The following LPP variants were observed in gnomAD, a reference collection of about 807,000 sequenced individuals.
The protein encoded by LPP is lipoma-preferred partner.
Under a neutral mutation model 60.4 loss-of-function variants are expected in LPP, and 38 were observed. The ratio of observed to expected loss-of-function variants is 0.63; its 90% CI spans 0.49 to 0.83. The LOEUF (loss-of-function observed/expected upper bound fraction) is 0.83, where lower values mean the gene tolerates loss of function less well. Among genes scored for constraint, LPP ranks in the 40% least tolerant of loss-of-function variants. LPP has a pLI of 0.00. For missense variants in LPP, 902 were observed against 783.6 expected (o/e 1.15, Z -1.80); for synonymous variants, 328 against 290.8 (o/e 1.13, Z -1.30).
intron 2 of LPP, among the ~76,000 whole-genome samples, chr3:188,333,657 G>A (rs933968893): frequency 5.9e-5 from 9 of 151,988 alleles, no homozygotes; most frequent in African/African-American, 2.2e-4. Context: ...ACCCTGAAGT[G>A]CCTGCTTGCA....
At chr3:188,793,456 A>G (rs181849912) in intron 9 of LPP, among the ~76,000 whole-genome samples, 9 of 152,230 alleles carry the variant, frequency 5.9e-5, no homozygotes, top group Admixed American at 5.9e-4. Context: ...TGCTGGGATT[A>G]CAAGCATGAG....
intron 9 of LPP, among the ~76,000 whole-genome samples, chr3:188,841,607 G>A (rs1760042184): frequency 1.3e-5 from 2 of 152,032 alleles, no homozygotes; most frequent in African/African-American, 4.8e-5. Context: ...GGCCAGGATG[G>A]TCTCTATCTC....
intron 1 of LPP, among the ~76,000 whole-genome samples, chr3:188,189,762 C>G (rs1177871948): frequency 6.6e-6 from 1 of 152,112 alleles, no homozygotes; most frequent in Non-Finnish European, 1.5e-5. Context: ...ATGTGGTTGG[C>G]TCCAACTGTG....
intron 6 of LPP, among the ~76,000 whole-genome samples, chr3:188,566,056 T>G (rs1832065992): frequency 6.6e-6 from 1 of 152,018 alleles, no homozygotes. Context: ...AATAGGAATT[T>G]TCATATGATA....
chr3:188,336,589 G>A (rs1466227661), intron 2 of LPP, among the ~76,000 whole-genome samples: 1 of 152,168 alleles, frequency 6.6e-6, no homozygotes, highest in Non-Finnish European at 1.5e-5. Context: ...AAGACCACAT[G>A]CGGTAGCAGT....
At chr3:188,810,716 T>G (rs1466765503) in intron 9 of LPP, among the ~76,000 whole-genome samples, 3 of 152,082 alleles carry the variant, frequency 2.0e-5, no homozygotes, top group African/African-American at 7.2e-5. Flanking sequence ...GACACTACGG[T>G]AGTTGGTTGT....
At chr3:188,538,913 G>A (rs976366418) in intron 6 of LPP, among the ~76,000 whole-genome samples, 3 of 152,090 alleles carry the variant, frequency 2.0e-5, no homozygotes, top group Admixed American at 6.5e-5. Context: ...TATGCTATAC[G>A]AAAGAAACCA....
At chr3:188,552,751 G>A (rs1053362186) in intron 6 of LPP, among the ~76,000 whole-genome samples, 5 of 152,132 alleles carry the variant, frequency 3.3e-5, no homozygotes, top group Admixed American at 6.5e-5. Flanking sequence ...TTGCTTTTAA[G>A]AACTCATGTG....
At chr3:188,480,041 T>A (rs931042731) in intron 4 of LPP, among the ~76,000 whole-genome samples, 6 of 152,166 alleles carry the variant, frequency 3.9e-5, no homozygotes, top group Admixed American at 1.3e-4. Context: ...AGTGTTAGGG[T>A]AACCACAGTG....
chr3:188,240,553 T>A (rs373917408), intron 2 of LPP, among the ~76,000 whole-genome samples: 1 of 152,310 alleles, frequency 6.6e-6, no homozygotes, highest in African/African-American at 2.4e-5. Context: ...CTAGAGTAGT[T>A]GAGAGCTTTA....
Position 188,874,653 on chromosome 3 carries a change from C to T in LPP, c.*174C>T, listed in dbSNP as rs1769035475. 1.5e-6 allele frequency: 1 copy of T among 678,024 alleles called. No homozygotes were observed. Among genetic ancestry groups the T allele is most frequent in the Non-Finnish European group, 2.4e-6 (1 of 423,672 alleles). The allele number at this position is 678,024 out of a possible 1,614,324, so 42.0% of individuals were successfully genotyped here. ...TTTTTAAAAGTTGTTACCAAATACA[C>T]ATTTCACATTGAATCATGTAGGATC... On this transcript the variant is annotated 3_prime_UTR_variant, in exon 12 of 12. Coordinates refer to ENST00000617246, the MANE Select transcript of LPP (RefSeq NM_001375462.1).
Position 188,498,524 on chromosome 3 carries a change from T to C in LPP, c.306+13820T>C, listed in dbSNP as rs528509033. On this transcript the variant is annotated intron_variant, in intron 5 of 11. Transcript: ENST00000617246. ...ATCCATGTTGTAGCATATGTCATGC[T>C]ATATATATGTCATGTTCTGCTTATC... is the stretch of plus-strand genomic sequence containing the variant. Among the ~76,000 whole-genome samples the C allele has an allele frequency of 2.6e-5, 4 of 152,332 alleles. No individual in the cohort carries two copies. The South Asian group carries it at 8.3e-4, about 32-fold the overall frequency.
At chr3:188,181,059 C>T (rs344950) in intron 1 of LPP, among the ~76,000 whole-genome samples, 85,328 of 151,726 alleles carry the variant, frequency 0.56, 24,870 homozygotes, top group East Asian at 0.88. Context: ...TGAAAAAGCA[C>T]AAAGAAGAAA....
intron 6 of LPP, among the ~76,000 whole-genome samples, chr3:188,568,866 G>T (rs888137274): frequency 2.0e-5 from 3 of 151,898 alleles, no homozygotes; most frequent in Non-Finnish European, 4.4e-5. Context: ...GACTGTGTGG[G>T]CAGACAGTGG....
intron 7 of LPP, among the ~76,000 whole-genome samples, chr3:188,616,419 G>A (rs960730866): frequency 7.2e-5 from 11 of 152,036 alleles, no homozygotes; most frequent in Admixed American, 3.9e-4. Flanking sequence ...AATTTCTGAG[G>A]TCTCTGTTCT....
intron 5 of LPP, among the ~76,000 whole-genome samples, chr3:188,512,586 A>AATAT (rs1560502278): frequency 6.6e-6 from 1 of 151,442 alleles, no homozygotes; most frequent in Non-Finnish European, 1.5e-5. Context: ...TAAATAAATA[A>AATAT]ATAAATAAAG....
At chr3:188,593,304 G>C (rs931562181) in intron 6 of LPP, among the ~76,000 whole-genome samples, 1 of 150,328 alleles carries the variant, frequency 6.7e-6, no homozygotes, top group Non-Finnish European at 1.5e-5. Flanking sequence ...GTTCACTCTT[G>C]CTCTCTCTCT....
intron 5 of LPP, among the ~76,000 whole-genome samples, chr3:188,492,603 G>A (rs1284017403): frequency 1.3e-5 from 2 of 152,108 alleles, no homozygotes; most frequent in East Asian, 3.9e-4. Context: ...GGCTGATGCA[G>A]GAGAATTGCT....
rs73192662 is a variant in LPP, at chr3:188,412,761, T to C, written c.193+6448T>C. Among the ~76,000 whole-genome samples, 330 of 152,290 alleles carry C rather than the reference T, an allele frequency of 2.2e-3. 3 individuals are homozygous for C. Among genetic ancestry groups the C allele is most frequent in the Non-Finnish European group, 4.0e-3 (269 of 68,014 alleles). ...TTGTGAATATTGGTTCACATAGACTTGTCAAGATAGATCAAGATAGGTGAG... is the reference window on the plus strand; with the variant it reads ...TTGTGAATATTGGTTCACATAGACTCGTCAAGATAGATCAAGATAGGTGAG... On this transcript the variant is annotated intron_variant, in intron 4 of 11. Transcript: ENST00000617246.
Sources: allele counts gnomAD v4.1 joint callset (sites outside exome capture counted in the v4.1 genomes callset), GRCh38; gene constraint gnomAD v4.1.1; transcripts MANE v1.5; gene names NCBI Gene and HGNC (gene_info 2026-07-23, HGNC 2026-07-21).